The following HDAC9 variants were observed in gnomAD, a reference collection of about 807,000 sequenced individuals.
HDAC9 encodes the protein histone deacetylase 9.
HDAC9 carries 41 observed loss-of-function variants against 139.4 expected under a neutral mutation model. That is an observed-to-expected ratio of 0.29 (90% CI 0.23 to 0.38). The LOEUF (loss-of-function observed/expected upper bound fraction) is 0.38, where lower values mean the gene tolerates loss of function less well. HDAC9 is among the 10% of genes least tolerant of loss of function. The pLI is 1.00. For missense variants in HDAC9, 1,147 were observed against 1,297.0 expected (o/e 0.88, Z 1.78); for synonymous variants, 517 against 476.2 (o/e 1.09, Z -1.12).
At chr7:18,356,550 C>G (rs910396122) in intron 1 of HDAC9, among the ~76,000 whole-genome samples, 3 of 151,892 alleles carry the variant, frequency 2.0e-5, no homozygotes, top group African/African-American at 7.3e-5. Flanking sequence ...CCTTTCACCT[C>G]TGGCTATTTA....
intron 2 of HDAC9, among the ~76,000 whole-genome samples, chr7:18,535,939 T>C (rs1810756486): frequency 6.6e-6 from 1 of 152,124 alleles, no homozygotes; most frequent in African/African-American, 2.4e-5. Context: ...CACATTCCTA[T>C]TAGGAGCTTG....
chr7:18,794,141 C>T (rs1035541764), intron 17 of HDAC9, among the ~76,000 whole-genome samples: 1 of 152,142 alleles, frequency 6.6e-6, no homozygotes, highest in Non-Finnish European at 1.5e-5. Flanking sequence ...ACGCCATGTG[C>T]GTCTTGAATG....
chr7:18,208,888 T>A (rs1562750552), intron 2 of HDAC9, among the ~76,000 whole-genome samples: 1 of 152,156 alleles, frequency 6.6e-6, no homozygotes, highest in African/African-American at 2.4e-5. Flanking sequence ...AATAATTGAG[T>A]CAGGAAAAGA....
chr7:18,161,463 A>G (rs1787622039), intron 1 of HDAC9, among the ~76,000 whole-genome samples: 1 of 152,224 alleles, frequency 6.6e-6, no homozygotes, highest in South Asian at 2.1e-4. Flanking sequence ...TTTTAGTAAG[A>G]AACTCATTAA....
chr7:18,569,386 C>G (rs1236090330), intron 2 of HDAC9, among the ~76,000 whole-genome samples: 1 of 152,176 alleles, frequency 6.6e-6, no homozygotes, highest in African/African-American at 2.4e-5. Flanking sequence ...AAAAATTAGG[C>G]AGGCTGGATT....
chr7:18,358,959 C>T (rs1783549384), intron 1 of HDAC9, among the ~76,000 whole-genome samples: 1 of 152,190 alleles, frequency 6.6e-6, no homozygotes, highest in African/African-American at 2.4e-5. Context: ...CCATGATTTG[C>T]CCAAGGACAA....
chr7:18,202,751 T>G (rs1222972030), intron 2 of HDAC9, among the ~76,000 whole-genome samples: 1 of 152,188 alleles, frequency 6.6e-6, no homozygotes, highest in Non-Finnish European at 1.5e-5. Context: ...TTCATGGGCA[T>G]GTCAAGTATC....
chr7:18,176,020 A>T (rs1788873756), intron 2 of HDAC9, among the ~76,000 whole-genome samples: 1 of 152,138 alleles, frequency 6.6e-6, no homozygotes, highest in Admixed American at 6.5e-5. Context: ...GAATTCTGTG[A>T]GTTCTGTGAG....
At chr7:18,164,948 C>T (rs1446976381) in intron 2 of HDAC9, among the ~76,000 whole-genome samples, 2 of 152,110 alleles carry the variant, frequency 1.3e-5, no homozygotes, top group East Asian at 3.9e-4. Context: ...CAGTGTGTTA[C>T]CCAATAGGGA....
Position 18,496,300 on chromosome 7 carries a change from A to G in HDAC9, c.-3A>G, listed in dbSNP as rs1434254861. 1 of 1,613,194 alleles carries G rather than the reference A, an allele frequency of 6.2e-7. No individual in the cohort carries two copies. Among genetic ancestry groups the G allele is most frequent in the South Asian group, 1.1e-5 (1 of 91,068 alleles). On this transcript the variant is annotated 5_prime_UTR_variant, in exon 2 of 26. Coordinates refer to ENST00000686413, the MANE Select transcript of HDAC9 (RefSeq NM_178425.4). ...ACGAGAGCAGCTCTTGGCTCAGCAA[A>G]GAATGCACAGTATGATCAGCTCAGG...
chr7:18,949,684 G>T (rs1445970331), intron 23 of HDAC9: 1 of 153,308 alleles, frequency 6.5e-6, no homozygotes, highest in African/African-American at 2.4e-5. Flanking sequence ...GATAATATTT[G>T]TCAGCTTTAG....
At chr7:18,823,057 A>G (rs1366408811) in intron 17 of HDAC9, among the ~76,000 whole-genome samples, 1 of 152,234 alleles carries the variant, frequency 6.6e-6, no homozygotes, top group Non-Finnish European at 1.5e-5. Flanking sequence ...AAGAAAACAC[A>G]GGCTATCAAA....
chr7:18,935,763 T>G (rs772453421), intron 22 of HDAC9, 46 bp from the exon 23 acceptor site: 9 of 1,567,132 alleles, frequency 5.7e-6, no homozygotes, highest in African/African-American at 4.1e-5. Context: ...AGTGATCACT[T>G]TCTCTTGATT....
chr7:18,278,255 C>T (rs1265448451), intron 2 of HDAC9, among the ~76,000 whole-genome samples: 2 of 152,168 alleles, frequency 1.3e-5, no homozygotes, highest in Admixed American at 1.3e-4. Context: ...GACTTTAGAA[C>T]ACGTCAAGAG....
intron 12 of HDAC9, among the ~76,000 whole-genome samples, chr7:18,707,355 C>T (rs566337568): frequency 6.6e-6 from 1 of 152,232 alleles, no homozygotes; most frequent in South Asian, 2.1e-4. Flanking sequence ...TTGTCCTAAG[C>T]AGAGAAGTCA....
intron 1 of HDAC9, among the ~76,000 whole-genome samples, chr7:18,291,543 A>C (rs1304199882): frequency 6.6e-6 from 1 of 152,064 alleles, no homozygotes; most frequent in African/African-American, 2.4e-5. Context: ...CTGTTGGTCA[A>C]AATTATTAGA....
At chr7:18,617,648 T>G (rs1242855787) in intron 6 of HDAC9, among the ~76,000 whole-genome samples, 3 of 152,192 alleles carry the variant, frequency 2.0e-5, no homozygotes, top group African/African-American at 7.2e-5. Context: ...CTGACATATC[T>G]CTGTGCATAT....
rs78111016 is a variant in HDAC9 at position 18,720,213 on chromosome 7, A to C, written c.1732-7367A>C. ...GTTCTTTCTTATATTTTAATTTAAAAATTAAATATGAGAAGCTCTGGTATT... is the reference window on the plus strand; with the variant it reads ...GTTCTTTCTTATATTTTAATTTAAACATTAAATATGAGAAGCTCTGGTATT... On this transcript the variant is annotated intron_variant, in intron 12 of 25. Transcript: ENST00000686413. Among the ~76,000 whole-genome samples, 246 of 152,196 alleles carry C rather than the reference A, an allele frequency of 1.6e-3. No homozygotes were observed. In the East Asian group the frequency reaches 0.039, roughly 24 times the overall value.
At chr7:18,846,995 G>A (rs17140138) in intron 21 of HDAC9, among the ~76,000 whole-genome samples, 19,433 of 152,158 alleles carry the variant, frequency 0.13, 2,636 homozygotes, top group African/African-American at 0.35. Context: ...AGCTAGGCCC[G>A]TTTCTCAGTG....
Sources: allele counts gnomAD v4.1 joint callset (sites outside exome capture counted in the v4.1 genomes callset), GRCh38; gene constraint gnomAD v4.1.1; transcripts MANE v1.5; gene names NCBI Gene and HGNC (gene_info 2026-07-23, HGNC 2026-07-21).